ZFAT: variants seen among roughly 807,000 people sequenced by gnomAD.
ZFAT encodes zinc finger protein ZFAT.
ZFAT carries 64 observed loss-of-function variants against 117.7 expected under a neutral mutation model. The ratio of observed to expected loss-of-function variants is 0.54; its 90% CI spans 0.44 to 0.67. The LOEUF (loss-of-function observed/expected upper bound fraction) is 0.67, where lower values mean the gene tolerates loss of function less well. ZFAT is among the 30% of genes least tolerant of loss of function. The probability of loss-of-function intolerance (pLI) is 0.00; values close to 1 mark genes in which losing one functional copy is unlikely to be tolerated. For missense variants in ZFAT, 1,433 were observed against 1,584.5 expected, an observed-to-expected ratio of 0.90 and a Z score of 1.62; for synonymous variants, 679 against 615.0, an observed-to-expected ratio of 1.10 and a Z score of -1.54.
intron 11 of ZFAT, among the ~76,000 whole-genome samples, chr8:134,544,475 A>C (rs1822543865): frequency 6.6e-6 from 1 of 152,006 alleles, no homozygotes; most frequent in Admixed American, 6.5e-5. Flanking sequence ...AAATTTAAGA[A>C]CTTTAAGAGA....
At chr8:134,711,596 T>C (rs1814000151) in intron 1 of ZFAT, among the ~76,000 whole-genome samples, 1 of 152,112 alleles carries the variant, frequency 6.6e-6, no homozygotes, top group African/African-American at 2.4e-5. Context: ...CACCCCGGCC[T>C]GAGTGATAGT....
chr8:134,553,750 AC>A (rs2097069822), intron 11 of ZFAT, among the ~76,000 whole-genome samples: 1 of 152,208 alleles, frequency 6.6e-6, no homozygotes, highest in Admixed American at 6.5e-5. Flanking sequence ...TTACTTCCTG[AC>A]TAATCACAAT....
In ZFAT at chr8:134,526,817, T is replaced by A. The variant is rs562640361; in HGVS notation, c.3116-5816A>T. ...GTTTTCTCTTCTATGAAGGTGAAGATGCTAAAGTTCATATTCTTTTTTTTT... is the reference window on the plus strand; with the variant it reads ...GTTTTCTCTTCTATGAAGGTGAAGAAGCTAAAGTTCATATTCTTTTTTTTT... On this transcript the variant is annotated intron_variant, in intron 12 of 15. Transcript: ENST00000377838. 1.2e-4 allele frequency among the ~76,000 whole-genome samples: 18 copies of A among 149,892 alleles called. No homozygotes were observed. The South Asian group carries it at 3.8e-3, about 31-fold the overall frequency.
chr8:134,719,866 G>A, the ZFAT span, among the ~76,000 whole-genome samples: 643 of 152,306 alleles, frequency 4.2e-3, 5 homozygotes, highest in African/African-American at 0.014. Flanking sequence ...CCAACAGAAA[G>A]GAGAGGTACC....
chr8:134,669,344 C>G (rs532568274), intron 1 of ZFAT, among the ~76,000 whole-genome samples: 54 of 152,154 alleles, frequency 3.5e-4, no homozygotes, highest in African/African-American at 1.3e-3. Flanking sequence ...GTTAAGGGCA[C>G]CCAGACAGAA....
chr8:134,669,738 A>G lies in ZFAT; in HGVS notation c.20-12001T>C, dbSNP rs1483871217. On this transcript the variant is annotated intron_variant, in intron 1 of 15. Transcript: ENST00000377838. ...GCTAACATCATTATGACAGGATCAA[A>G]TTCACACATAACAATATTAACCTTA... 4.6e-5 allele frequency among the ~76,000 whole-genome samples: 7 copies of G among 152,218 alleles called. 1 individual carries two copies. The highest frequency in any genetic ancestry group is 1.7e-4 in the African/African-American group (7 of 41,434).
At chr8:134,479,284 T>C (rs1817121983) in intron 15 of ZFAT, among the ~76,000 whole-genome samples, 1 of 152,204 alleles carries the variant, frequency 6.6e-6, no homozygotes, top group Admixed American at 6.5e-5. Context: ...CCAGCAACAC[T>C]AATGCCTTAA....
chr8:134,800,978 A>G, the ZFAT span, among the ~76,000 whole-genome samples: 1 of 152,214 alleles, frequency 6.6e-6, no homozygotes, highest in Admixed American at 6.5e-5. Context: ...GTAGTGTTCC[A>G]TATCTAAATG....
At chr8:134,782,719 T>C in the ZFAT span, among the ~76,000 whole-genome samples, 1 of 152,104 alleles carries the variant, frequency 6.6e-6, no homozygotes, top group Non-Finnish European at 1.5e-5. Flanking sequence ...AAGATGTGCC[T>C]TTTGCCTTCT....
chr8:134,827,526 G>C, the ZFAT span, among the ~76,000 whole-genome samples: 2 of 152,140 alleles, frequency 1.3e-5, no homozygotes, highest in African/African-American at 4.8e-5. Context: ...CCAGCACTTT[G>C]GGGGGCCCAG....
intron 1 of ZFAT, among the ~76,000 whole-genome samples, chr8:134,706,458 G>A (rs967049214): frequency 2.6e-5 from 4 of 152,164 alleles, no homozygotes; most frequent in East Asian, 3.9e-4. Flanking sequence ...TTGGGAGACC[G>A]AGGTGGGCAA....
chr8:134,699,706 A>G (rs2131353915), intron 1 of ZFAT, among the ~76,000 whole-genome samples: 1 of 152,338 alleles, frequency 6.6e-6, no homozygotes, highest in South Asian at 2.1e-4. Flanking sequence ...TTGTCTGTAA[A>G]TCAAAGATAA....
intron 3 of ZFAT, among the ~76,000 whole-genome samples, chr8:134,625,640 T>C (rs1829446311): frequency 6.6e-6 from 1 of 152,204 alleles, no homozygotes; most frequent in African/African-American, 2.4e-5. Flanking sequence ...TCTGACTTGG[T>C]GCCCAACAAT....
intron 2 of ZFAT, among the ~76,000 whole-genome samples, chr8:134,653,269 T>TAAAA (rs1441852865): frequency 2.0e-5 from 2 of 99,160 alleles, no homozygotes; most frequent in East Asian, 7.8e-4. Context: ...AATGTCTTTT[T>TAAAA]TAAAAAAAAA....
intron 11 of ZFAT, among the ~76,000 whole-genome samples, chr8:134,541,137 A>T (rs1016192169): frequency 8.5e-5 from 13 of 152,192 alleles, no homozygotes; most frequent in African/African-American, 2.9e-4. Flanking sequence ...CCATGCATAT[A>T]GTTTGAATAT....
chr8:134,536,329 G>A (rs1821837582), intron 11 of ZFAT, among the ~76,000 whole-genome samples: 1 of 152,168 alleles, frequency 6.6e-6, no homozygotes, highest in African/African-American at 2.4e-5. Context: ...CTTTGATGCA[G>A]GGGGTTCAAA....
intron 12 of ZFAT, among the ~76,000 whole-genome samples, chr8:134,524,200 T>C (rs971391234): frequency 6.6e-6 from 1 of 152,162 alleles, no homozygotes; most frequent in African/African-American, 2.4e-5. Context: ...CAAATAAGTG[T>C]GTTCAGTGTT....
Position 134,657,661 on chromosome 8 carries a change from T to C in ZFAT, c.96A>G (p.Ser32=). Residue 32 remains serine (S), a synonymous_variant, in exon 2 of 16, where the codon TCA becomes TCG. Transcript: ENST00000377838. ...TAACCCCTTCTTCCATGTGCTTCTC[T>C]GAAACGTGGGAGAGGAGTTCCGACT... The part of the protein sequence containing the change: ...PNQSELLSHV[S]EKHMEEGVNV... The C allele has an allele frequency of 6.2e-7, 1 of 1,614,150 alleles. No individual in the cohort carries two copies. Among genetic ancestry groups the C allele is most frequent in the Non-Finnish European group, 8.5e-7 (1 of 1,180,020 alleles).
the ZFAT span, chr8:134,795,291 C>T: frequency 6.6e-6 from 1 of 152,136 alleles, no homozygotes; most frequent in African/African-American, 2.4e-5. Context: ...TTCAGTGCCA[C>T]CCTCCAACCT....
Sources: allele counts gnomAD v4.1 joint callset (sites outside exome capture counted in the v4.1 genomes callset), GRCh38; gene constraint gnomAD v4.1.1; transcripts MANE v1.5; gene names NCBI Gene and HGNC (gene_info 2026-07-23, HGNC 2026-07-21).